Variants in DOCK1 observed in about 807,000 individuals in gnomAD.
DOCK1 encodes dedicator of cytokinesis 1.
In DOCK1, 138 loss-of-function variants were observed where a neutral mutation model predicts 262.7. That is an observed-to-expected ratio of 0.53 (90% CI 0.46 to 0.61). The LOEUF is 0.61. Among genes scored for constraint, DOCK1 ranks in the 20% least tolerant of loss-of-function variants. The pLI is 0.00. For synonymous variants in DOCK1, 866 were observed against 867.4 expected (o/e 1.00, Z 0.03); for missense variants, 1,908 against 2,370.7 (o/e 0.80, Z 4.05).
intron 45 of DOCK1, among the ~76,000 whole-genome samples, chr10:127,419,257 C>T (rs1292008141): frequency 2.0e-5 from 3 of 152,202 alleles, no homozygotes; most frequent in Admixed American, 2.0e-4. Context: ...GAGAAGGCTG[C>T]GAGGAGATGA....
chr10:126,950,818 G>A (rs1192850659), intron 1 of DOCK1, among the ~76,000 whole-genome samples: 2 of 152,122 alleles, frequency 1.3e-5, no homozygotes, highest in East Asian at 1.9e-4. Context: ...TGGAGTTTCT[G>A]GTCTTTCCCA....
intron 27 of DOCK1, among the ~76,000 whole-genome samples, chr10:127,208,631 A>G (rs974687081): frequency 8.5e-5 from 13 of 152,172 alleles, no homozygotes; most frequent in African/African-American, 3.1e-4. Context: ...TCAGATTTGA[A>G]TATTATCAGG....
At chr10:127,387,668 C>T (rs2066205965) in intron 38 of DOCK1, among the ~76,000 whole-genome samples, 2 of 152,160 alleles carry the variant, frequency 1.3e-5, no homozygotes, top group African/African-American at 4.8e-5. Context: ...GCGTCAATTC[C>T]CCACCATGCA....
chr10:127,180,564 A>T (rs2055628057), intron 27 of DOCK1, among the ~76,000 whole-genome samples: 1 of 152,212 alleles, frequency 6.6e-6, no homozygotes, highest in African/African-American at 2.4e-5. Flanking sequence ...ATTAAATTTC[A>T]TAATCAAAGT....
chr10:127,352,646 G>T (rs2063941538), intron 31 of DOCK1, among the ~76,000 whole-genome samples: 1 of 152,068 alleles, frequency 6.6e-6, no homozygotes. Flanking sequence ...AGGCTGGAGT[G>T]CAGTGGCGAG....
At chr10:127,255,369 C>T (rs1262899467) in intron 28 of DOCK1, among the ~76,000 whole-genome samples, 1 of 152,140 alleles carries the variant, frequency 6.6e-6, no homozygotes, top group Non-Finnish European at 1.5e-5. Context: ...CACTGTACTC[C>T]AGCCTGGGTG....
rs576018161 is a variant in DOCK1, at chr10:127,303,194, G to A, written c.3045-35812G>A. Among the ~76,000 whole-genome samples the A allele has an allele frequency of 7.9e-5, 12 of 152,254 alleles. 1 individual carries two copies. The South Asian group carries it at 2.5e-3, about 32-fold the overall frequency. On this transcript the variant is annotated intron_variant, in intron 29 of 51. Transcript: ENST00000623213. ...ATTTATAGCCAACAACCTGGGTGGG[G>A]CAGGTGACAGTCAGTGGATGGAAAA...
intron 29 of DOCK1, among the ~76,000 whole-genome samples, chr10:127,280,286 G>A (rs189784322): frequency 1.0e-3 from 155 of 151,782 alleles, no homozygotes; most frequent in African/African-American, 3.4e-3. Flanking sequence ...CGCCCGCCTC[G>A]GCCTCCCAAA....
chr10:127,418,276 C>A lies in DOCK1; in HGVS notation c.4516-89C>A, dbSNP rs895878408. ...GAAAGGTTCACGGAGGAGCAGGAAG[C>A]CTGCCCCAGAGCACGTGGCTCCTCT... On this transcript the variant is annotated intron_variant, in intron 44 of 51. Coordinates refer to ENST00000623213, the MANE Select transcript of DOCK1 (RefSeq NM_001290223.2). 4 of 1,399,312 alleles carry A rather than the reference C, an allele frequency of 2.9e-6. No individual in the cohort carries two copies. In the Admixed American group the frequency reaches 8.6e-5, roughly 30 times the overall value. 86.7% of individuals were successfully genotyped at this position (1,399,312 alleles called of 1,614,324 possible).
chr10:127,297,238 A>C (rs1419650685), intron 29 of DOCK1, among the ~76,000 whole-genome samples: 2 of 152,190 alleles, frequency 1.3e-5, no homozygotes, highest in Admixed American at 1.3e-4. Flanking sequence ...CTTTTTGCAC[A>C]TGCTTAGTCT....
intron 1 of DOCK1, among the ~76,000 whole-genome samples, chr10:126,964,871 C>T (rs1017272187): frequency 0.044 from 6,668 of 152,322 alleles, 222 homozygotes; most frequent in Non-Finnish European, 0.071. Flanking sequence ...GCCTCTGTAT[C>T]TTTTTGCAGA....
chr10:127,101,448 G>C (rs373787648), intron 23 of DOCK1, among the ~76,000 whole-genome samples: 2 of 152,166 alleles, frequency 1.3e-5, no homozygotes, highest in East Asian at 3.9e-4. Context: ...CCCAGTTCTT[G>C]CTAAACCTCA....
chr10:127,203,043 A>G (rs1426071879), intron 27 of DOCK1, among the ~76,000 whole-genome samples: 1 of 152,230 alleles, frequency 6.6e-6, no homozygotes, highest in African/African-American at 2.4e-5. Flanking sequence ...AAATAAAAAC[A>G]GGCACTGAAA....
At chr10:127,268,332 C>G (rs930563217) in intron 29 of DOCK1, among the ~76,000 whole-genome samples, 1 of 151,528 alleles carries the variant, frequency 6.6e-6, no homozygotes, top group South Asian at 2.1e-4. Flanking sequence ...CCTGTCTGTA[C>G]TAAAAATACA....
intron 13 of DOCK1, among the ~76,000 whole-genome samples, chr10:127,019,607 G>A (rs2042267682): frequency 6.6e-6 from 1 of 152,116 alleles, no homozygotes; most frequent in Non-Finnish European, 1.5e-5. Context: ...AACTAGCTGG[G>A]CGTGGTGGCA....
rs1056379939 is a variant in DOCK1, at chr10:126,982,195, T to C, written c.227+222T>C. Among the ~76,000 whole-genome samples, 8 of 152,160 alleles carry C rather than the reference T, an allele frequency of 5.3e-5. No homozygotes were observed. In the East Asian group the frequency reaches 1.5e-3, roughly 29 times the overall value. The stretch of plus-strand genomic sequence containing the variant: ...CTGAAGTCAGCACCATACTTGGCAG[T>C]TACTGTCCTTGAACCTGGGGTCACT... On this transcript the variant is annotated intron_variant, in intron 4 of 51. Coordinates refer to ENST00000623213, the MANE Select transcript of DOCK1 (RefSeq NM_001290223.2).
At chr10:127,346,006 G>A (rs7923565) in intron 31 of DOCK1, among the ~76,000 whole-genome samples, 98,130 of 151,850 alleles carry the variant, frequency 0.65, 32,367 homozygotes, top group Middle Eastern at 0.76. Flanking sequence ...CCTTCAGCAC[G>A]CGCCCCTTGT....
chr10:127,152,890 A>T (rs2133497716), intron 27 of DOCK1, among the ~76,000 whole-genome samples: 1 of 152,230 alleles, frequency 6.6e-6, no homozygotes, highest in Non-Finnish European at 1.5e-5. Flanking sequence ...CCTATCTGGG[A>T]TGCTCTGTCT....
intron 38 of DOCK1, among the ~76,000 whole-genome samples, chr10:127,401,470 C>T (rs2067220047): frequency 6.6e-6 from 1 of 152,148 alleles, no homozygotes; most frequent in South Asian, 2.1e-4. Context: ...GGTCAAGTGC[C>T]CCATTTGACC....
Sources: allele counts gnomAD v4.1 joint callset (sites outside exome capture counted in the v4.1 genomes callset), GRCh38; gene constraint gnomAD v4.1.1; transcripts MANE v1.5; gene names NCBI Gene and HGNC (gene_info 2026-07-23, HGNC 2026-07-21).